The following CPA4 variants were observed in gnomAD, a reference collection of about 807,000 sequenced individuals.
CPA4 encodes the protein carboxypeptidase A3.
CPA4 carries 49 observed loss-of-function variants against 54.7 expected under a neutral mutation model. The observed-to-expected ratio is 0.90, with a 90% CI of 0.71 to 1.14. The LOEUF is 1.14. Among genes scored for constraint, CPA4 ranks in the 50% most tolerant of loss-of-function variants. The pLI is 0.00. For synonymous variants in CPA4, 215 were observed against 206.8 expected, an observed-to-expected ratio of 1.04 and a Z score of -0.34; for missense variants, 487 against 525.1, an observed-to-expected ratio of 0.93 and a Z score of 0.71.
intron 4 of CPA4, among the ~76,000 whole-genome samples, chr7:130,303,779 C>T (rs1487411679): frequency 6.8e-6 from 1 of 147,028 alleles, no homozygotes; most frequent in African/African-American, 2.5e-5. Flanking sequence ...CAGATACACG[C>T]CACCGCAGCT....
chr7:130,315,006 T>C (rs1793968064), intron 10 of CPA4, among the ~76,000 whole-genome samples: 1 of 152,064 alleles, frequency 6.6e-6, no homozygotes, highest in Non-Finnish European at 1.5e-5. Context: ...AAGTCTGTTT[T>C]CTTGAGAGAA....
intron 10 of CPA4, among the ~76,000 whole-genome samples, chr7:130,322,137 C>T (rs1481538256): frequency 2.0e-5 from 3 of 152,160 alleles, no homozygotes; most frequent in Non-Finnish European, 4.4e-5. Flanking sequence ...GAGGGAGCTG[C>T]ACAAAGACCT....
intron 1 of CPA4, among the ~76,000 whole-genome samples, chr7:130,294,034 T>G (rs1793612525): frequency 6.6e-6 from 1 of 152,180 alleles, no homozygotes; most frequent in Non-Finnish European, 1.5e-5. Flanking sequence ...AATAACTCAT[T>G]ACTGCATAAT....
chr7:130,305,860 T>G lies in CPA4; in HGVS notation c.531T>G (p.Asn177Lys). 1 of 1,614,198 alleles carries G rather than the reference T, an allele frequency of 6.2e-7. No homozygotes were observed. Among genetic ancestry groups the G allele is most frequent in the Non-Finnish European group, 8.5e-7 (1 of 1,180,038 alleles). ...TGAGGCGGCCGGCCGTTTGGCTGAA[T>G]GCAGGCATCCATTCCCGAGAGTGGA... ...KGVRRPAVWLNAGIHSREWIS... is the reference protein window; with the variant it reads ...KGVRRPAVWLKAGIHSREWIS... The change falls in exon 6 of 11, where the codon AAT becomes AAG. Residue 177 changes from asparagine (N) to lysine (K), a missense_variant. Physicochemically the swap from Asn to Lys is moderately conservative, Grantham distance 94 (BLOSUM62 0). Transcript: ENST00000222482.
intron 10 of CPA4, among the ~76,000 whole-genome samples, chr7:130,319,960 G>A (rs1255251969): frequency 6.6e-6 from 1 of 152,146 alleles, no homozygotes; most frequent in South Asian, 2.1e-4. Flanking sequence ...TTGGTGGTGG[G>A]GCAGGTATGG....
chr7:130,306,673 G>C (rs1188925773), intron 6 of CPA4, 114 bp from the exon 7 acceptor site: 11 of 677,630 alleles, frequency 1.6e-5, no homozygotes, highest in African/African-American at 5.3e-5. Flanking sequence ...GGTGGATGCT[G>C]TTCTAGGAGC....
chr7:130,308,460 C>A, intron 8 of CPA4, 63 bp downstream of exon 8: 1 of 1,363,832 alleles, frequency 7.3e-7, no homozygotes. Flanking sequence ...TCTACCAGTG[C>A]TCTGAGCTGG....
At chr7:130,293,641 C>A (rs10954267) in intron 1 of CPA4, 118,175 of 199,430 alleles carry the variant, frequency 0.59, 35,245 homozygotes, top group Admixed American at 0.65. Context: ...TTCCAATTTC[C>A]GCCATGCATA....
chr7:130,310,443 G>A lies in CPA4; in HGVS notation c.794-344G>A, dbSNP rs1277787967. On this transcript the variant is annotated intron_variant, in intron 8 of 10. Transcript: ENST00000222482. The surrounding 1 kb of genome is among the most constrained non-coding windows in gnomAD (Gnocchi z 4.3). ...GAATAAGTTGACACCAGAATAAATG[G>A]AGTCATTTTCATTATTTATTGGTAT... 6.6e-6 allele frequency among the ~76,000 whole-genome samples: 1 copy of A among 152,172 alleles called. No individual in the cohort carries two copies. The highest frequency in any genetic ancestry group is 1.5e-5 in the Non-Finnish European group (1 of 68,024).
At chr7:130,299,898 C>A (rs928308186) in intron 3 of CPA4, 2 of 164,090 alleles carry the variant, frequency 1.2e-5, no homozygotes, top group Admixed American at 5.6e-5. Flanking sequence ...TGGGGACCAG[C>A]CACAGAGGCA....
rs375020217 is a variant in CPA4 at position 130,322,620 on chromosome 7, G to A, written c.1210G>A (p.Glu404Lys). The change falls in exon 11 of 11, where the codon GAG becomes AAG. Residue 404 changes from glutamate (E) to lysine (K), a missense_variant. Coordinates refer to ENST00000222482, the MANE Select transcript of CPA4 (RefSeq NM_016352.4). ...TAACCAGATCATCCCCACTGCAGAG[G>A]AGACGTGGCTGGGGCTGAAGACCAT... ...PANQIIPTAE[E>K]TWLGLKTIME... 3.8e-5 allele frequency: 62 copies of A among 1,614,102 alleles called. No homozygotes were observed. The highest frequency in any genetic ancestry group is 5.1e-5 in the Non-Finnish European group (60 of 1,180,050).
chr7:130,305,673 C>T, intron 5 of CPA4, 143 bp from the exon 6 acceptor site: 3 of 704,620 alleles, frequency 4.3e-6, no homozygotes, highest in Non-Finnish European at 4.9e-6. Context: ...CGGATAAGCT[C>T]GATAAATAGA....
intron 1 of CPA4, 126 bp from the exon 2 acceptor site, chr7:130,298,620 C>A (rs772566969): frequency 4.9e-6 from 3 of 614,596 alleles, no homozygotes; most frequent in Non-Finnish European, 8.9e-6. Context: ...ACATTAAAAC[C>A]AAAGACTAGA....
At position 130,298,731 on chromosome 7, in the gene CPA4, T is replaced by C. The variant is rs1562927908; in HGVS notation, c.69-15T>C. ...ATTATCTTTTGCTCTTTTTTCCTTT[T>C]CGCTTCTTCCCCAGGGACCAAGTTT... On this transcript the variant is annotated splice_polypyrimidine_tract_variant and intron_variant, in intron 1 of 10. Coordinates refer to ENST00000222482, the MANE Select transcript of CPA4 (RefSeq NM_016352.4). 1 of 1,564,180 alleles carries C rather than the reference T, an allele frequency of 6.4e-7. No individual in the cohort carries two copies. The highest frequency in any genetic ancestry group is 8.8e-7 in the Non-Finnish European group (1 of 1,135,948).
chr7:130,303,052 G>C (rs75015080), intron 4 of CPA4, among the ~76,000 whole-genome samples: 2,691 of 152,272 alleles, frequency 0.018, 90 homozygotes, highest in African/African-American at 0.062. Flanking sequence ...TTTGGAGGTG[G>C]TTTCTTGCTT....
chr7:130,311,964 C>T lies in CPA4; in HGVS notation c.994-74C>T, dbSNP rs533529117. On this transcript the variant is annotated intron_variant, in intron 9 of 10. Coordinates refer to ENST00000222482, the MANE Select transcript of CPA4 (RefSeq NM_016352.4). The stretch of plus-strand genomic sequence containing the variant: ...GGGGCTGAGAATCTTCCAAACCATC[C>T]CAGAGCAGAGCAGCTGAGGAAGGTC... The T allele has an allele frequency of 5.8e-5, 64 of 1,111,556 alleles. No individual in the cohort carries two copies. In the South Asian group the frequency reaches 7.4e-4, roughly 13 times the overall value. 68.9% of individuals were successfully genotyped at this position (1,111,556 alleles called of 1,614,324 possible).
Position 130,312,138 on chromosome 7 carries a change from T to C in CPA4, c.1078+16T>C, listed in dbSNP as rs766717186. The stretch of plus-strand genomic sequence containing the variant: ...ACCACTGTCTGTAAGTACTCGCTTA[T>C]TTATGAGTTATTTAGAAAGCACTTT... On this transcript the variant is annotated intron_variant, in intron 10 of 10. Transcript: ENST00000222482. 4 of 1,582,870 alleles carry C rather than the reference T, an allele frequency of 2.5e-6. No individual in the cohort carries two copies. In the South Asian group the frequency reaches 4.4e-5, roughly 17 times the overall value.
rs879667580 is a variant in CPA4 at position 130,310,626 on chromosome 7, C to G, written c.794-161C>G. Among the ~76,000 whole-genome samples, 5 of 152,208 alleles carry G rather than the reference C, an allele frequency of 3.3e-5. No individual in the cohort carries two copies. The highest frequency in any genetic ancestry group is 2.0e-4 in the Admixed American group (3 of 15,282). ...AACACCCAACCCTCCCTCTTCCATG[C>G]CTTCTCTGCAGTCCACACCCACCAT... On this transcript the variant is annotated intron_variant, in intron 8 of 10. Coordinates refer to ENST00000222482, the MANE Select transcript of CPA4 (RefSeq NM_016352.4). The surrounding 1 kb of genome is among the most constrained non-coding windows in gnomAD (Gnocchi z 4.3).
chr7:130,315,623 G>A (rs978195633), intron 10 of CPA4, among the ~76,000 whole-genome samples: 2 of 152,112 alleles, frequency 1.3e-5, no homozygotes, highest in Middle Eastern at 3.2e-3. Flanking sequence ...TTAATTTGGA[G>A]GCGACAATAG....
Sources: allele counts gnomAD v4.1 joint callset (sites outside exome capture counted in the v4.1 genomes callset), GRCh38; gene constraint gnomAD v4.1.1; non-coding constraint Gnocchi (gnomAD v3.1); transcripts MANE v1.5; gene names NCBI Gene and HGNC (gene_info 2026-07-23, HGNC 2026-07-21).